Variants in ELMO1 observed in about 807,000 individuals in gnomAD.
The protein encoded by ELMO1 is engulfment and cell motility protein 1.
ELMO1 carries 26 observed loss-of-function variants against 98.9 expected under a neutral mutation model. The ratio of observed to expected loss-of-function variants is 0.26; its 90% confidence interval spans 0.19 to 0.36. The LOEUF is 0.36. Ranked by LOEUF, ELMO1 falls within the 10% of genes least tolerant of loss-of-function variation. ELMO1 has a pLI of 1.00. For synonymous variants in ELMO1, 346 were observed against 346.0 expected (o/e 1.00, Z 0.00); for missense variants, 627 against 935.2 (o/e 0.67, Z 4.30).
At chr7:36,964,610 T>C (rs974380848) in intron 16 of ELMO1, among the ~76,000 whole-genome samples, 5 of 152,180 alleles carry the variant, frequency 3.3e-5, no homozygotes, top group Non-Finnish European at 5.9e-5. Flanking sequence ...AGGGCCTTCC[T>C]TTTTTTAACT....
At chr7:37,148,844 C>T (rs968858566) in intron 13 of ELMO1, among the ~76,000 whole-genome samples, 3 of 152,162 alleles carry the variant, frequency 2.0e-5, no homozygotes, top group African/African-American at 7.2e-5. Context: ...TCCCACCTCT[C>T]GTCACTTTAA....
At position 37,424,407 on chromosome 7, in the gene ELMO1, C is replaced by G. The variant is rs543961919; in HGVS notation, c.-74+24268G>C. Among the ~76,000 whole-genome samples the G allele has an allele frequency of 2.9e-3, 445 of 152,266 alleles. 4 individuals are homozygous for G. The highest frequency in any genetic ancestry group is 6.8e-3 in the Middle Eastern group (2 of 294). ...TCATGGGCAGGGATTCAGTATCCCA[C>G]AGTAGGCTACATAGTTTAGAAAATT... On this transcript the variant is annotated intron_variant, in intron 1 of 21. Coordinates refer to ENST00000310758, the MANE Select transcript of ELMO1 (RefSeq NM_014800.11).
chr7:36,976,141 G>T (rs1200360967), intron 16 of ELMO1, among the ~76,000 whole-genome samples: 4 of 152,202 alleles, frequency 2.6e-5, no homozygotes, highest in Non-Finnish European at 5.9e-5. Flanking sequence ...GGGCACAGAT[G>T]TGTCCCAATA....
intron 14 of ELMO1, among the ~76,000 whole-genome samples, chr7:37,130,156 A>G (rs755619137): frequency 1.3e-5 from 2 of 152,156 alleles, no homozygotes; most frequent in Non-Finnish European, 2.9e-5. Context: ...ATCAAGACAC[A>G]TGACAAGTGA....
At chr7:36,885,499 G>C (rs963460200) in intron 18 of ELMO1, among the ~76,000 whole-genome samples, 2 of 152,160 alleles carry the variant, frequency 1.3e-5, no homozygotes, top group African/African-American at 4.8e-5. Flanking sequence ...GACTCTAGCT[G>C]GGCAGCAGCG....
chr7:37,314,177 T>C (rs1799030943), intron 4 of ELMO1, among the ~76,000 whole-genome samples: 1 of 152,214 alleles, frequency 6.6e-6, no homozygotes, highest in African/African-American at 2.4e-5. Context: ...AAAGCCAGTA[T>C]TTTTATAGCC....
intron 10 of ELMO1, 84 bp downstream of exon 10, chr7:37,222,531 T>C: frequency 7.5e-7 from 1 of 1,325,402 alleles, no homozygotes; most frequent in Non-Finnish European, 1.1e-6. Context: ...GCCCAATGAG[T>C]CCCCGAATAG....
At chr7:37,145,535 A>G (rs932375752) in intron 13 of ELMO1, among the ~76,000 whole-genome samples, 4 of 152,260 alleles carry the variant, frequency 2.6e-5, no homozygotes, top group Admixed American at 6.5e-5. Flanking sequence ...GCAAACTGTA[A>G]TCAGGCAATA....
In ELMO1 at chr7:36,855,254, G is replaced by C. The variant is rs1327807794; in HGVS notation, c.*297C>G. 2.3e-6 allele frequency: 1 copy of C among 429,308 alleles called. No homozygotes were observed. The highest frequency in any genetic ancestry group is 4.3e-6 in the Non-Finnish European group (1 of 231,160). The allele number at this position is 429,308 out of a possible 1,614,324, so 26.6% of individuals were successfully genotyped here. On this transcript the variant is annotated 3_prime_UTR_variant, in exon 22 of 22. Transcript: ENST00000310758. The surrounding 1 kb of genome is among the most constrained non-coding windows in gnomAD (Gnocchi z 4.2). Reference sequence around the variant, plus strand: ...GAAGGGCATGCCTGCAGAGGGCTAGGATGGAAGGGCCCTTTGGCCTTCTTA... The same window carrying C: ...GAAGGGCATGCCTGCAGAGGGCTAGCATGGAAGGGCCCTTTGGCCTTCTTA...
At chr7:37,347,958 T>C (rs1256447097) in intron 1 of ELMO1, among the ~76,000 whole-genome samples, 1 of 152,172 alleles carries the variant, frequency 6.6e-6, no homozygotes, top group Non-Finnish European at 1.5e-5. Context: ...AGCATCCTGG[T>C]GTCCTATGCT....
At chr7:37,144,596 C>T (rs913134455) in intron 13 of ELMO1, among the ~76,000 whole-genome samples, 3 of 152,090 alleles carry the variant, frequency 2.0e-5, no homozygotes, top group Admixed American at 6.5e-5. Flanking sequence ...GCCTGTGTAC[C>T]TCTGTACATC....
chr7:37,162,057 G>A (rs990065011), intron 13 of ELMO1, among the ~76,000 whole-genome samples: 5 of 149,532 alleles, frequency 3.3e-5, no homozygotes, highest in African/African-American at 1.2e-4. Flanking sequence ...ATGGAAGAGG[G>A]AGAGAGATAA....
chr7:36,977,970 T>G (rs1341626195), intron 16 of ELMO1, among the ~76,000 whole-genome samples: 1 of 152,210 alleles, frequency 6.6e-6, no homozygotes. Context: ...CTGAGGCTAA[T>G]GATTGCCTGA....
chr7:36,990,281 A>T (rs1791788807), intron 16 of ELMO1, among the ~76,000 whole-genome samples: 1 of 152,176 alleles, frequency 6.6e-6, no homozygotes, highest in Admixed American at 6.5e-5. Flanking sequence ...GGTGAGCCTC[A>T]AAAAGAGGGA....
At chr7:37,130,807 C>A (rs1786872158) in intron 14 of ELMO1, among the ~76,000 whole-genome samples, 1 of 151,816 alleles carries the variant, frequency 6.6e-6, no homozygotes, top group Admixed American at 6.6e-5. Context: ...AACTATAAAT[C>A]TGACTGGCAA....
rs1481561627 is a variant in ELMO1 at position 37,049,186 on chromosome 7, CT to C, written c.1301-35752del. ...TAAGCACCTAATGTACCACCTTGGA[CT>C]CAGGACACAGCTGGCACTGAGTCGG... On this transcript the variant is annotated intron_variant, in intron 15 of 21. Transcript: ENST00000310758. Among the ~76,000 whole-genome samples the C allele has an allele frequency of 2.6e-5, 4 of 152,170 alleles. No homozygotes were observed. The East Asian group carries it at 7.7e-4, about 29-fold the overall frequency.
chr7:36,879,864 G>A (rs1235973605), intron 18 of ELMO1, among the ~76,000 whole-genome samples: 1 of 152,244 alleles, frequency 6.6e-6, no homozygotes, highest in Non-Finnish European at 1.5e-5. Context: ...GGAGAAAACA[G>A]TTATTCTCTG....
chr7:36,996,579 G>A (rs1432482610), intron 16 of ELMO1, among the ~76,000 whole-genome samples: 1 of 152,206 alleles, frequency 6.6e-6, no homozygotes, highest in African/African-American at 2.4e-5. Flanking sequence ...GTGGGACAGA[G>A]AATGAATGGG....
intron 18 of ELMO1, among the ~76,000 whole-genome samples, chr7:36,884,351 G>A (rs966469187): frequency 2.0e-5 from 3 of 151,596 alleles, no homozygotes; most frequent in East Asian, 1.9e-4. Context: ...GAGGCGCTAC[G>A]AGCTAAAATT....
Sources: gnomAD v4.1 joint callset for allele counts (sites outside exome capture counted in the v4.1 genomes callset) on GRCh38, gnomAD v4.1.1 for gene constraint, Gnocchi (gnomAD v3.1) non-coding constraint, MANE v1.5 for transcripts, NCBI Gene and HGNC (gene_info 2026-07-23, HGNC 2026-07-21) for gene names.